STIP1: variants seen among roughly 807,000 people sequenced by gnomAD.
The protein encoded by STIP1 is stress-induced-phosphoprotein 1.
Under a neutral mutation model 77.4 loss-of-function variants are expected in STIP1, and 16 were observed. The observed-to-expected ratio is 0.21, with a 90% confidence interval of 0.14 to 0.31. The LOEUF is 0.31. STIP1 is among the 10% of genes least tolerant of loss of function. The pLI is 1.00. For synonymous variants in STIP1, 258 were observed against 246.6 expected, an observed-to-expected ratio of 1.05 and a Z score of -0.44; for missense variants, 524 against 684.8, an observed-to-expected ratio of 0.77 and a Z score of 2.62.
At chr11:64,189,693 A>G (rs1194572745) in intron 1 of STIP1, among the ~76,000 whole-genome samples, 1 of 152,094 alleles carries the variant, frequency 6.6e-6, no homozygotes, top group Non-Finnish European at 1.5e-5. Flanking sequence ...GTGTGCTGGT[A>G]TTTTTTTGTC....
intron 5 of STIP1, among the ~76,000 whole-genome samples, chr11:64,196,098 T>TA (rs1435277740): frequency 6.6e-6 from 1 of 152,024 alleles, no homozygotes; most frequent in East Asian, 1.9e-4. Flanking sequence ...GCCAGCATGT[T>TA]AAAAAATCAG....
intron 8 of STIP1, among the ~76,000 whole-genome samples, chr11:64,199,321 G>C (rs1009860170): frequency 6.6e-6 from 1 of 151,202 alleles, no homozygotes; most frequent in African/African-American, 2.4e-5. Flanking sequence ...TGGCTAACAC[G>C]GTGAAACTCT....
In STIP1 at chr11:64,204,308, G is replaced by A. The variant is rs1416893181; in HGVS notation, c.*182G>A. On this transcript the variant is annotated 3_prime_UTR_variant, in exon 14 of 14. Coordinates refer to ENST00000305218, the MANE Select transcript of STIP1 (RefSeq NM_006819.3). ...GCTGTTTGTGCCGCCGCTGCCTCTGGGCCCTCCCAGCACACGCATGGTCTC... is the reference window on the plus strand; with the variant it reads ...GCTGTTTGTGCCGCCGCTGCCTCTGAGCCCTCCCAGCACACGCATGGTCTC... The A allele has an allele frequency of 1.6e-6, 1 of 615,846 alleles. No homozygotes were observed. Among genetic ancestry groups the A allele is most frequent in the Non-Finnish European group, 2.8e-6 (1 of 358,448 alleles). The allele number at this position is 615,846 out of a possible 1,614,324, so 38.1% of individuals were successfully genotyped here. A position where few individuals can be genotyped will look rare whatever the true frequency, so the allele number is the denominator to read the frequency against.
intron 13 of STIP1, 131 bp from the exon 14 acceptor site, chr11:64,203,923 G>A: frequency 9.0e-7 from 1 of 1,108,578 alleles, no homozygotes; most frequent in South Asian, 1.3e-5. Flanking sequence ...CTGCAGCTCG[G>A]CGCCCCGGGC....
At chr11:64,196,475 T>G (rs11607165) in intron 5 of STIP1, among the ~76,000 whole-genome samples, 24,571 of 151,182 alleles carry the variant, frequency 0.16, 2,245 homozygotes, top group Admixed American at 0.28. Flanking sequence ...GGAGTTGCCC[T>G]TCCCGTGGTC....
intron 4 of STIP1, among the ~76,000 whole-genome samples, chr11:64,195,358 T>G (rs1273664335): frequency 6.6e-6 from 1 of 152,170 alleles, no homozygotes; most frequent in Non-Finnish European, 1.5e-5. Flanking sequence ...TCAAGTGGTC[T>G]GCCCGCCTCG....
intron 2 of STIP1, 39 bp from the exon 3 acceptor site, chr11:64,194,149 TG>T (rs1177874000): frequency 6.3e-7 from 1 of 1,586,340 alleles, no homozygotes; most frequent in South Asian, 1.2e-5. Flanking sequence ...GATTTACCTC[TG>T]GGTGTTCTCT....
At chr11:64,187,026 C>A (rs1946030392) in intron 1 of STIP1, among the ~76,000 whole-genome samples, 1 of 152,080 alleles carries the variant, frequency 6.6e-6, no homozygotes. Flanking sequence ...GACCGAGGAC[C>A]AACACTTCCG....
At chr11:64,203,693 G>A (rs751632966) in intron 13 of STIP1, 71 bp downstream of exon 13, 3 of 1,583,518 alleles carry the variant, frequency 1.9e-6, no homozygotes, top group Admixed American at 1.7e-5. Flanking sequence ...GCACGCGGCT[G>A]GGGGGTGGTA....
At chr11:64,194,363 T>C (rs944599061) in intron 3 of STIP1, 33 bp downstream of exon 3, 1 of 1,611,698 alleles carries the variant, frequency 6.2e-7, no homozygotes, top group African/African-American at 1.3e-5. Context: ...TTTCTTATTA[T>C]TAATGTGATT....
Position 64,199,857 on chromosome 11 carries a change from C to G in STIP1, c.1024-83C>G, listed in dbSNP as rs1013406278. On this transcript the variant is annotated intron_variant, in intron 8 of 13. Transcript: ENST00000305218. ...GGATCACAGGCGTGAGCCACCGCGC[C>G]CGGCCCCTAATGTGATTTTTAAGCC... The G allele has an allele frequency of 2.3e-5, 35 of 1,535,364 alleles. No homozygotes were observed. In the African/African-American group the frequency reaches 4.6e-4, roughly 20 times the overall value.
chr11:64,191,927 C>G (rs1451188129), intron 1 of STIP1, among the ~76,000 whole-genome samples: 3 of 151,834 alleles, frequency 2.0e-5, no homozygotes, highest in Non-Finnish European at 4.4e-5. Flanking sequence ...CAGAGGTGCT[C>G]CTCTCTCCCC....
intron 1 of STIP1, chr11:64,186,533 C>T (rs545666166): frequency 9.1e-5 from 19 of 208,618 alleles, no homozygotes; most frequent in African/African-American, 3.9e-4. Context: ...TGAGTCCGGC[C>T]GGCGGCGGGA....
chr11:64,199,977 A>G lies in STIP1; in HGVS notation c.1061A>G (p.Tyr354Cys), dbSNP rs765122043. ...CTGAAGGAGCAAGAGCGGCTGGCCT[A>G]CATAAACCCCGACCTGGCTTTGGAG... is the stretch of plus-strand genomic sequence containing the variant. ...KILKEQERLA[Y>C]INPDLALEEK... The change falls in exon 9 of 14, where the codon TAC becomes TGC. Residue 354 changes from tyrosine (Y) to cysteine (C), a missense_variant. Physicochemically the swap from Tyr to Cys is radical, Grantham distance 194 (BLOSUM62 -2). Transcript: ENST00000305218. The G allele has an allele frequency of 6.2e-7, 1 of 1,614,204 alleles. No homozygotes were observed. The highest frequency in any genetic ancestry group is 1.3e-5 in the African/African-American group (1 of 75,052).
intron 5 of STIP1, 52 bp from the exon 6 acceptor site, chr11:64,197,219 C>G: frequency 1.2e-6 from 2 of 1,603,254 alleles, no homozygotes; most frequent in Non-Finnish European, 1.7e-6. Context: ...TAGATTCTTG[C>G]TTTGTCACCT....
Position 64,203,606 on chromosome 11 carries a change from C to G in STIP1, c.1543C>G (p.Pro515Ala), listed in dbSNP as rs146267054. Residue 515 changes from proline to alanine, a missense_variant, in exon 13 of 14, where the codon CCC becomes GCC. Pro to Ala is a conservative substitution (Grantham distance 27). Coordinates refer to ENST00000305218, the MANE Select transcript of STIP1 (RefSeq NM_006819.3). ...RLILEQMQKDPQALSEHLKNP... is the reference protein window; with the variant it reads ...RLILEQMQKDAQALSEHLKNP... ...TATCCTGGAACAGATGCAGAAGGAC[C>G]CCCAGGCACTCAGCGAGTACGTAGA... 6.2e-7 allele frequency: 1 copy of G among 1,614,050 alleles called. No homozygotes were observed. The highest frequency in any genetic ancestry group is 1.3e-5 in the African/African-American group (1 of 74,928).
Position 64,204,529 on chromosome 11 carries a change from T to C in STIP1, c.*403T>C. ...CCCCTTCTCCAATAAAACAAGCCAGTTGGGCGTGGTTATATGTTGCTTTGG... is the reference window on the plus strand; with the variant it reads ...CCCCTTCTCCAATAAAACAAGCCAGCTGGGCGTGGTTATATGTTGCTTTGG... On this transcript the variant is annotated 3_prime_UTR_variant, in exon 14 of 14. Transcript: ENST00000305218. 4.8e-6 allele frequency: 1 copy of C among 210,084 alleles called. No homozygotes were observed. The highest frequency in any genetic ancestry group is 9.5e-6 in the Non-Finnish European group (1 of 105,698). The allele number at this position is 210,084 out of a possible 1,614,324, so 13.0% of individuals were successfully genotyped here.
At chr11:64,196,418 T>A (rs1273689535) in intron 5 of STIP1, among the ~76,000 whole-genome samples, 1 of 148,198 alleles carries the variant, frequency 6.7e-6, no homozygotes, top group Non-Finnish European at 1.5e-5. Context: ...AAAAAAAGCT[T>A]CACAAGAGCA....
rs1434129222 is a variant in STIP1, at chr11:64,204,063, G to T, written c.1569G>T (p.Lys523Asn). The T allele has an allele frequency of 6.2e-7, 1 of 1,614,182 alleles. No homozygotes were observed. Among genetic ancestry groups the T allele is most frequent in the East Asian group, 2.2e-5 (1 of 44,882 alleles). Residue 523 changes from lysine to asparagine, a missense_variant, in exon 14 of 14, where the codon AAG becomes AAT. By Grantham distance (94) the Lys-to-Asn change is moderately conservative. Transcript: ENST00000305218. ...GCGTCTTCCTCTGTAGACACTTAAA[G>T]AATCCTGTAATAGCACAGAAGATCC... Reference protein sequence around the residue: ...KDPQALSEHLKNPVIAQKIQK... With the variant: ...KDPQALSEHLNNPVIAQKIQK...
Sources: allele counts gnomAD v4.1 joint callset (sites outside exome capture counted in the v4.1 genomes callset), GRCh38; gene constraint gnomAD v4.1.1; transcripts MANE v1.5; gene names NCBI Gene and HGNC (gene_info 2026-07-23, HGNC 2026-07-21).